The following DLGAP2 variants were observed in gnomAD, a reference collection of about 807,000 sequenced individuals.
DLGAP2 encodes the protein disks large-associated protein 2.
A neutral mutation model predicts 100.3 loss-of-function variants in DLGAP2; 26 were observed. The observed-to-expected ratio is 0.26, with a 90% CI of 0.19 to 0.36. The LOEUF (loss-of-function observed/expected upper bound fraction) is 0.36. Ranked by LOEUF, DLGAP2 falls within the 10% of genes least tolerant of loss-of-function variation. The probability of loss-of-function intolerance (pLI) is 1.00; values close to 1 mark genes in which losing one functional copy is unlikely to be tolerated. For synonymous variants in DLGAP2, 886 were observed against 630.1 expected, an observed-to-expected ratio of 1.41 and a Z score of -6.08; for missense variants, 1,858 against 1,453.2, an observed-to-expected ratio of 1.28 and a Z score of -4.53.
intron 3 of DLGAP2, among the ~76,000 whole-genome samples, chr8:1,368,264 G>A (rs1208314896): frequency 6.6e-6 from 1 of 152,034 alleles, no homozygotes; most frequent in Non-Finnish European, 1.5e-5. Flanking sequence ...GTGTGCGTGT[G>A]TGCAGGTATG....
chr8:1,329,543 T>A (rs1220341081), intron 3 of DLGAP2, among the ~76,000 whole-genome samples: 2 of 152,200 alleles, frequency 1.3e-5, no homozygotes, highest in Non-Finnish European at 2.9e-5. Context: ...AAAGAGCAAG[T>A]GAGTTCTATT....
intron 2 of DLGAP2, among the ~76,000 whole-genome samples, chr8:954,949 T>C (rs1799562941): frequency 6.6e-6 from 1 of 152,200 alleles, no homozygotes; most frequent in Non-Finnish European, 1.5e-5. Flanking sequence ...TGGTCATCAG[T>C]TGTTCCCTAA....
intron 2 of DLGAP2, among the ~76,000 whole-genome samples, chr8:1,101,448 A>G (rs537199745): frequency 3.3e-5 from 5 of 152,314 alleles, no homozygotes; most frequent in East Asian, 1.9e-4. Context: ...AGGGACACCC[A>G]CAATGTGAGC....
intron 2 of DLGAP2, among the ~76,000 whole-genome samples, chr8:1,113,878 C>T (rs1464472480): frequency 1.3e-5 from 2 of 152,020 alleles, no homozygotes; most frequent in African/African-American, 4.8e-5. Context: ...TCCTTCAATA[C>T]CTAGTATATT....
Position 1,493,826 on chromosome 8 carries a change from AC to A in DLGAP2, c.107-7537del, listed in dbSNP as rs537671185. On this transcript the variant is annotated intron_variant, in intron 3 of 14. Coordinates refer to ENST00000637795, the MANE Select transcript of DLGAP2 (RefSeq NM_001346810.2). ...ATGCGGAAGGGGTGGACGCGGCACG[AC>A]CCTGCTTCTTACCCTGATTCTTCCT... is the stretch of plus-strand genomic sequence containing the variant. 2.6e-5 allele frequency among the ~76,000 whole-genome samples: 4 copies of A among 152,190 alleles called. No individual in the cohort carries two copies. The South Asian group carries it at 8.3e-4, about 32-fold the overall frequency.
chr8:917,188 C>T (rs983004810), intron 2 of DLGAP2, among the ~76,000 whole-genome samples: 19 of 151,868 alleles, frequency 1.3e-4, no homozygotes, highest in African/African-American at 4.4e-4. Flanking sequence ...AAGGTTTGGA[C>T]ATCAGTATTG....
intron 1 of DLGAP2, among the ~76,000 whole-genome samples, chr8:764,432 T>C (rs1404908223): frequency 1.3e-5 from 2 of 152,370 alleles, no homozygotes; most frequent in Non-Finnish European, 2.9e-5. Flanking sequence ...TTATATACTT[T>C]GTCACTTCGC....
chr8:1,417,798 T>A (rs1563134423), intron 3 of DLGAP2, among the ~76,000 whole-genome samples: 1 of 148,306 alleles, frequency 6.7e-6, no homozygotes, highest in East Asian at 2.0e-4. Context: ...GTGATCAATG[T>A]CTCCACAAAT....
intron 1 of DLGAP2, among the ~76,000 whole-genome samples, chr8:819,161 A>G (rs953779990): frequency 3.3e-5 from 5 of 152,244 alleles, no homozygotes; most frequent in Non-Finnish European, 7.3e-5. Context: ...AGCCAGTTGA[A>G]TCTAGTTCGA....
chr8:1,529,394 A>C (rs1800908169), intron 4 of DLGAP2, among the ~76,000 whole-genome samples: 1 of 152,178 alleles, frequency 6.6e-6, no homozygotes, highest in Admixed American at 6.5e-5. Flanking sequence ...AAGCCTGGCC[A>C]TATCACCTTC....
Position 1,149,232 on chromosome 8 carries a change from G to A in DLGAP2, c.74-109619G>A, listed in dbSNP as rs79788586. ...GCAATGTCGGCTCACTGCAAGCTCCGCCTTCTGGGTTCACGCCATTCTCCC... is the reference window on the plus strand; with the variant it reads ...GCAATGTCGGCTCACTGCAAGCTCCACCTTCTGGGTTCACGCCATTCTCCC... On this transcript the variant is annotated intron_variant, in intron 2 of 14. Transcript: ENST00000637795. 1.2e-4 allele frequency among the ~76,000 whole-genome samples: 18 copies of A among 152,040 alleles called. No individual in the cohort carries two copies. The East Asian group carries it at 1.4e-3, about 11-fold the overall frequency.
intron 2 of DLGAP2, among the ~76,000 whole-genome samples, chr8:1,247,301 C>CTTTG (rs1798932333): frequency 1.5e-5 from 1 of 67,832 alleles, no homozygotes; most frequent in African/African-American, 5.6e-5. Flanking sequence ...CTGGGAAGAC[C>CTTTG]ATTGAGATCA....
chr8:848,950 C>CGGTGCCTGTTCCAGCATAGGATCGTGA (rs1563061972), intron 1 of DLGAP2, among the ~76,000 whole-genome samples: 7 of 126,140 alleles, frequency 5.5e-5, no homozygotes, highest in Admixed American at 8.1e-5. Flanking sequence ...TAGGAACGCG[C>CGGTGCCTGTTCCAGCATAGGATCGTGA]GGTGCCTGTT....
chr8:897,295 C>G (rs775559310), intron 1 of DLGAP2, among the ~76,000 whole-genome samples: 1 of 152,182 alleles, frequency 6.6e-6, no homozygotes. Flanking sequence ...CCTGTTTGCT[C>G]TAGTCTGGGT....
chr8:1,449,488 A>G (rs1001659934), intron 3 of DLGAP2, among the ~76,000 whole-genome samples: 13 of 152,290 alleles, frequency 8.5e-5, no homozygotes, highest in African/African-American at 2.9e-4. Context: ...ACCAGCGGGC[A>G]TGGACCTGGG....
At chr8:1,591,435 G>A (rs1796287300) in intron 6 of DLGAP2, among the ~76,000 whole-genome samples, 1 of 152,100 alleles carries the variant, frequency 6.6e-6, no homozygotes, top group Non-Finnish European at 1.5e-5. Flanking sequence ...GTTGGACTGG[G>A]CATTTTTCAA....
intron 2 of DLGAP2, among the ~76,000 whole-genome samples, chr8:935,280 C>A (rs1366518636): frequency 6.6e-6 from 1 of 152,206 alleles, no homozygotes; most frequent in Non-Finnish European, 1.5e-5. Flanking sequence ...GTGTGGGAGT[C>A]CTCGCTGTAC....
At chr8:1,096,668 G>C (rs967474286) in intron 2 of DLGAP2, among the ~76,000 whole-genome samples, 2 of 139,208 alleles carry the variant, frequency 1.4e-5, no homozygotes, top group African/African-American at 2.7e-5. Flanking sequence ...CTGGGAGCCC[G>C]GGGCAGGCCT....
chr8:974,889 A>G (rs1024632083), intron 2 of DLGAP2, among the ~76,000 whole-genome samples: 6 of 152,206 alleles, frequency 3.9e-5, no homozygotes, highest in East Asian at 1.9e-4. Context: ...AAGAAATACT[A>G]TGAATGAGAA....
Sources: gnomAD v4.1 joint callset for allele counts (sites outside exome capture counted in the v4.1 genomes callset) on GRCh38, gnomAD v4.1.1 for gene constraint, MANE v1.5 for transcripts, NCBI Gene and HGNC (gene_info 2026-07-23, HGNC 2026-07-21) for gene names.